The following UQCR10 variants were observed in gnomAD, a reference collection of about 807,000 sequenced individuals.
UQCR10 encodes the protein cytochrome b-c1 complex subunit 9.
Under a neutral mutation model 6.0 loss-of-function variants are expected in UQCR10, and 5 were observed. That is an observed-to-expected ratio of 0.83 (90% confidence interval 0.43 to 1.74). The LOEUF (loss-of-function observed/expected upper bound fraction) is 1.74. Ranked by LOEUF, UQCR10 falls within the 40% of genes most tolerant of loss-of-function variation. The probability of loss-of-function intolerance (pLI) is 0.02; values close to 1 mark genes in which losing one functional copy is unlikely to be tolerated. For missense variants in UQCR10, 101 were observed against 85.1 expected (o/e 1.19, Z -0.74); for synonymous variants, 40 against 37.4 (o/e 1.07, Z -0.26).
rs184101675 is a variant in UQCR10 at position 29,768,322 on chromosome 22, A to C, written c.150+774A>C. 7.2e-5 allele frequency among the ~76,000 whole-genome samples: 11 copies of C among 152,316 alleles called. No homozygotes were observed. In the East Asian group the frequency reaches 1.9e-3, roughly 27 times the overall value. ...CATTTTTGACTTTTATGTATCATGC[A>C]CTGTGCTAGGTGCAGTGCATGCTTT... On this transcript the variant is annotated intron_variant, in intron 1 of 1. Coordinates refer to ENST00000330029, the MANE Select transcript of UQCR10 (RefSeq NM_013387.4).
chr22:29,768,826 C>T (rs972274843), intron 1 of UQCR10, among the ~76,000 whole-genome samples: 1 of 152,082 alleles, frequency 6.6e-6, no homozygotes, highest in African/African-American at 2.4e-5. Flanking sequence ...GGGGTTTCAC[C>T]ATGTTGCCCA....
At chr22:29,769,166 C>G (rs1304452126) in intron 1 of UQCR10, among the ~76,000 whole-genome samples, 1 of 152,138 alleles carries the variant, frequency 6.6e-6, no homozygotes, top group African/African-American at 2.4e-5. Flanking sequence ...ACTTACTTCA[C>G]CTGGTGATTG....
chr22:29,769,860 C>G lies in UQCR10; in HGVS notation c.*141C>G, dbSNP rs1371264906. 1.0e-6 allele frequency: 1 copy of G among 953,386 alleles called. No individual in the cohort carries two copies. Among genetic ancestry groups the G allele is most frequent in the Admixed American group, 2.0e-5 (1 of 50,152 alleles). 59.1% of individuals were successfully genotyped at this position (953,386 alleles called of 1,614,324 possible). On this transcript the variant is annotated 3_prime_UTR_variant, in exon 2 of 2. Coordinates refer to ENST00000330029, the MANE Select transcript of UQCR10 (RefSeq NM_013387.4). ...TCGCTGTTGGCAAGAAACGGCTTTA[C>G]TTACAAAACAGACTCTTTACCTTCT...
intron 1 of UQCR10, among the ~76,000 whole-genome samples, chr22:29,767,790 C>G (rs774507549): frequency 2.0e-5 from 3 of 152,198 alleles, no homozygotes; most frequent in Non-Finnish European, 4.4e-5. Context: ...TACATACCCA[C>G]TTGCCCATTA....
chr22:29,769,576 T>G, intron 1 of UQCR10, 102 bp from the exon 2 acceptor site: 1 of 1,259,500 alleles, frequency 7.9e-7, no homozygotes, highest in Non-Finnish European at 1.1e-6. Flanking sequence ...GGACATGGCA[T>G]GTGTTTCCCC....
chr22:29,768,370 C>G (rs1027819295), intron 1 of UQCR10, among the ~76,000 whole-genome samples: 1 of 152,180 alleles, frequency 6.6e-6, no homozygotes, highest in Non-Finnish European at 1.5e-5. Flanking sequence ...TATGACTGTG[C>G]TGGAGTAGGC....
chr22:29,768,214 G>A (rs931980203), intron 1 of UQCR10, among the ~76,000 whole-genome samples: 5 of 152,194 alleles, frequency 3.3e-5, no homozygotes, highest in Non-Finnish European at 7.3e-5. Context: ...GGTGCCACAT[G>A]CCTGGTAGGT....
At chr22:29,769,561 A>T in intron 1 of UQCR10, 117 bp from the exon 2 acceptor site, 1 of 1,145,274 alleles carries the variant, frequency 8.7e-7, no homozygotes, top group Non-Finnish European at 1.2e-6. Flanking sequence ...GTATCTTTTT[A>T]ATCAGGACAT....
rs534834445 is a variant in UQCR10, at chr22:29,767,730, G to A, written c.150+182G>A. ...TGTGAATTCTAAAACGTTAAGCGAG[G>A]TTAATATATTTCATTTTGCAGGGGT... is the stretch of plus-strand genomic sequence containing the variant. On this transcript the variant is annotated intron_variant, in intron 1 of 1. Transcript: ENST00000330029. 6.3e-6 allele frequency: 6 copies of A among 949,714 alleles called. No homozygotes were observed. In the South Asian group the frequency reaches 9.6e-5, roughly 15 times the overall value. 58.8% of individuals were successfully genotyped at this position (949,714 alleles called of 1,614,324 possible). A position where few individuals can be genotyped will look rare whatever the true frequency, so the allele number is the denominator to read the frequency against.
chr22:29,768,616 T>G (rs1347259397), intron 1 of UQCR10, among the ~76,000 whole-genome samples: 1 of 149,698 alleles, frequency 6.7e-6, no homozygotes, highest in Non-Finnish European at 1.5e-5. Flanking sequence ...ATTTTCCTTG[T>G]GCTTTTTTTT....
chr22:29,768,054 A>G (rs1408995139), intron 1 of UQCR10, among the ~76,000 whole-genome samples: 1 of 152,212 alleles, frequency 6.6e-6, no homozygotes, highest in Non-Finnish European at 1.5e-5. Context: ...CTATGAAATC[A>G]GAAAGCCTTG....
chr22:29,767,642 G>A (rs370069820), intron 1 of UQCR10, 94 bp downstream of exon 1: 23 of 1,499,176 alleles, frequency 1.5e-5, no homozygotes, highest in East Asian at 2.4e-5. Context: ...TACCAGGAAG[G>A]GGGTAAGGGG....
Position 29,770,225 on chromosome 22 carries a change from AG to A in UQCR10, c.*510del, listed in dbSNP as rs1601738794. Reference sequence around the variant, plus strand: ...TCAGCTGGGGGAAAGACCCTGGCCTAGGGGTCTTAGCCACTCCCCACCCTAG... The same window carrying A: ...TCAGCTGGGGGAAAGACCCTGGCCTAGGGTCTTAGCCACTCCCCACCCTAG... On this transcript the variant is annotated 3_prime_UTR_variant, in exon 2 of 2. Transcript: ENST00000330029. 5.7e-6 allele frequency: 2 copies of A among 351,074 alleles called. No homozygotes were observed. The highest frequency in any genetic ancestry group is 7.4e-5 in the East Asian group (1 of 13,516). The allele number at this position is 351,074 out of a possible 1,614,324, so 21.7% of individuals were successfully genotyped here.
Position 29,767,428 on chromosome 22 carries a change from G to C in UQCR10, c.30G>C (p.Leu10Phe). MAAATLTSK[L>F]YSLLFRRTST... ...CGGCCGCGACGTTGACTTCGAAATT[G>C]TACTCCCTGCTGTTCCGCAGGACCT... Residue 10 changes from leucine (L) to phenylalanine (F), a missense_variant, in exon 1 of 2, where the codon TTG becomes TTC. By Grantham distance (22) the Leu-to-Phe change is conservative. Coordinates refer to ENST00000330029, the MANE Select transcript of UQCR10 (RefSeq NM_013387.4). 6.2e-7 allele frequency: 1 copy of C among 1,613,634 alleles called. No homozygotes were observed. Among genetic ancestry groups the C allele is most frequent in the Non-Finnish European group, 8.5e-7 (1 of 1,179,644 alleles).
At chr22:29,769,391 T>C (rs1317945578) in intron 1 of UQCR10, among the ~76,000 whole-genome samples, 2 of 151,900 alleles carry the variant, frequency 1.3e-5, no homozygotes, top group African/African-American at 2.4e-5. Flanking sequence ...CAGCTGCTCT[T>C]GAAGCTGAGG....
At chr22:29,767,612 G>A in intron 1 of UQCR10, 64 bp downstream of exon 1, 2 of 1,581,898 alleles carry the variant, frequency 1.3e-6, no homozygotes, top group Non-Finnish European at 8.6e-7. Context: ...GTAGAGGTGG[G>A]ATGGGACTCA....
intron 1 of UQCR10, among the ~76,000 whole-genome samples, chr22:29,769,365 C>T (rs1348313225): frequency 1.3e-5 from 2 of 152,006 alleles, no homozygotes; most frequent in Non-Finnish European, 2.9e-5. Flanking sequence ...AGCCGGGTAG[C>T]GCATACCTGT....
chr22:29,767,448 G>A lies in UQCR10; in HGVS notation c.50G>A (p.Arg17Lys), dbSNP rs1457329636. 1 of 1,613,998 alleles carries A rather than the reference G, an allele frequency of 6.2e-7. No homozygotes were observed. Among genetic ancestry groups the A allele is most frequent in the East Asian group, 2.2e-5 (1 of 44,866 alleles). ...AAATTGTACTCCCTGCTGTTCCGCAGGACCTCCACCTTCGCCCTCACCATC... is the reference window on the plus strand; with the variant it reads ...AAATTGTACTCCCTGCTGTTCCGCAAGACCTCCACCTTCGCCCTCACCATC... ...TSKLYSLLFR[R>K]TSTFALTIIV... The change falls in exon 1 of 2, where the codon AGG (arginine) becomes AAG (lysine). Residue 17 changes from arginine (R) to lysine (K), a missense_variant. Physicochemically the swap from Arg to Lys is conservative, Grantham distance 26. Transcript: ENST00000330029.
chr22:29,769,589 A>G, intron 1 of UQCR10, 89 bp from the exon 2 acceptor site: 2 of 1,372,206 alleles, frequency 1.5e-6, no homozygotes, highest in Non-Finnish European at 2.0e-6. Flanking sequence ...GTTTCCCCCA[A>G]GCTCATTTTA....
Sources: gnomAD v4.1 joint callset for allele counts (sites outside exome capture counted in the v4.1 genomes callset) on GRCh38, gnomAD v4.1.1 for gene constraint, MANE v1.5 for transcripts, NCBI Gene and HGNC (gene_info 2026-07-23, HGNC 2026-07-21) for gene names.